DMD: variants seen among roughly 807,000 people sequenced by gnomAD.
DMD encodes mutant dystrophin.
Under a neutral mutation model 330.1 loss-of-function variants are expected in DMD, and 63 were observed. The observed-to-expected ratio is 0.19, with a 90% CI of 0.16 to 0.24. The LOEUF (loss-of-function observed/expected upper bound fraction) is 0.24. DMD is among the 10% of genes least tolerant of loss of function. The pLI is 1.00. For synonymous variants in DMD, 1,223 were observed against 959.8 expected (o/e 1.27, Z -5.07); for missense variants, 3,344 against 2,684.1 (o/e 1.25, Z -5.43).
chrX:32,879,018 C>CAAAAAAAAAAAAAAAAAAAAAAAAAAAA (rs1201402428), intron 2 of DMD, among the ~76,000 whole-genome samples: 1 of 95,332 alleles, frequency 1.0e-5, no homozygotes, highest in African/African-American at 3.9e-5. Context: ...AAAAAAAAAA[C>CAAAAAAAAAAAAAAAAAAAAAAAAAAAA]AAAAAACAAA....
chrX:32,961,235 G>A (rs768735993), intron 2 of DMD, among the ~76,000 whole-genome samples: 3 of 111,298 alleles, frequency 2.7e-5, no homozygotes, highest in Non-Finnish European at 3.8e-5. Flanking sequence ...TTAGTCAAGG[G>A]TCTCTAAGGA....
chrX:33,262,533 T>C (rs994931032), intron 1 of DMD, among the ~76,000 whole-genome samples: 8 of 110,928 alleles, frequency 7.2e-5, no homozygotes, highest in Admixed American at 1.9e-4. Flanking sequence ...TATAAATCTA[T>C]GGTAATTGAG....
intron 78 of DMD, among the ~76,000 whole-genome samples, chrX:31,122,315 GTGAT>G (rs200430753): frequency 1.1e-4 from 12 of 111,447 alleles, no homozygotes; most frequent in African/African-American, 2.9e-4. Context: ...TTGGCTATGA[GTGAT>G]TGATTGATTA....
chrX:32,131,217 A>G (rs1289555099), intron 44 of DMD, among the ~76,000 whole-genome samples: 1 of 111,925 alleles, frequency 8.9e-6, no homozygotes, highest in African/African-American at 3.3e-5. Context: ...TGAAACAAAA[A>G]TTGTTATTTT....
At chrX:32,918,585 A>G (rs1391230309) in intron 2 of DMD, among the ~76,000 whole-genome samples, 9 of 111,953 alleles carry the variant, frequency 8.0e-5, no homozygotes, top group Admixed American at 9.5e-5. Flanking sequence ...TCCTGGGCTC[A>G]AGCGATCTGC....
chrX:32,054,098 A>T lies in DMD; in HGVS notation c.6439-85584T>A, dbSNP rs974472312. ...GTGTGTGTGTGTGTGTGAGAGAGAG[A>T]GAGAGAGAGAGAGAGAGAGAGAGAG... On this transcript the variant is annotated intron_variant, in intron 44 of 78. Transcript: ENST00000357033. Among the ~76,000 whole-genome samples, 686 of 75,564 alleles carry T rather than the reference A, an allele frequency of 9.1e-3. 9 individuals carry two copies. The highest frequency in any genetic ancestry group is 0.037 in the African/African-American group (640 of 17,271). 65.6% of individuals were successfully genotyped at this position (75,564 alleles called of 115,157 possible).
chrX:32,994,666 T>A (rs972379279), intron 2 of DMD, among the ~76,000 whole-genome samples: 2 of 111,690 alleles, frequency 1.8e-5, no homozygotes, highest in African/African-American at 3.3e-5. Flanking sequence ...CATACTAATT[T>A]ACATTCCCAC....
intron 1 of DMD, among the ~76,000 whole-genome samples, chrX:33,133,229 T>C (rs776187531): frequency 2.2e-4 from 25 of 111,393 alleles, no homozygotes; most frequent in Non-Finnish European, 3.8e-4. Flanking sequence ...CACCTATATG[T>C]AGTAGTACAA....
rs961208513 is a variant in DMD at position 32,446,459 on chromosome X, T to A, written c.3786+1997A>T. On this transcript the variant is annotated intron_variant, in intron 27 of 78. Transcript: ENST00000357033. ...AATTTCCTGCTCAACTGCATCATTATCCAATACTCAGGGCAAAATAAAGGC... is the reference window on the plus strand; with the variant it reads ...AATTTCCTGCTCAACTGCATCATTAACCAATACTCAGGGCAAAATAAAGGC... Among the ~76,000 whole-genome samples the A allele has an allele frequency of 2.7e-5, 3 of 109,454 alleles. No individual in the cohort carries two copies. In the East Asian group the frequency reaches 8.6e-4, roughly 31 times the overall value.
At chrX:32,038,098 A>C (rs1351698321) in intron 44 of DMD, among the ~76,000 whole-genome samples, 1 of 112,005 alleles carries the variant, frequency 8.9e-6, no homozygotes, top group African/African-American at 3.2e-5. Flanking sequence ...TGGCCTTAAC[A>C]TAAGAGATAC....
At chrX:32,490,980 G>T (rs185703388) in intron 20 of DMD, among the ~76,000 whole-genome samples, 2 of 112,125 alleles carry the variant, frequency 1.8e-5, no homozygotes, top group African/African-American at 6.5e-5. Flanking sequence ...CAAAGTGAGA[G>T]GCCATTTTTT....
chrX:31,406,246 T>C (rs2061398100), intron 60 of DMD, among the ~76,000 whole-genome samples: 1 of 111,557 alleles, frequency 9.0e-6, no homozygotes, highest in African/African-American at 3.3e-5. Flanking sequence ...TACTTGGGGA[T>C]AATGAAAATA....
intron 62 of DMD, among the ~76,000 whole-genome samples, chrX:31,301,606 C>T (rs2054643519): frequency 8.9e-6 from 1 of 112,193 alleles, no homozygotes; most frequent in South Asian, 3.7e-4. Context: ...GCCCCTCCTC[C>T]AACATGTGGG....
At chrX:32,585,103 A>ACATGTTCT (rs1569251253) in intron 13 of DMD, among the ~76,000 whole-genome samples, 1 of 111,341 alleles carries the variant, frequency 9.0e-6, no homozygotes. Context: ...GACAAATACC[A>ACATGTTCT]CATGTTCTCA....
intron 44 of DMD, among the ~76,000 whole-genome samples, chrX:32,032,194 ACTTCATAAG>A (rs2095890321): frequency 2.7e-5 from 3 of 111,760 alleles, no homozygotes; most frequent in Non-Finnish European, 3.8e-5. Context: ...TTGAAACAAT[ACTTCATAAG>A]TGATATGATT....
intron 29 of DMD, among the ~76,000 whole-genome samples, chrX:32,429,387 GTTTTTTTTTTT>G (rs10692022): frequency 4.5e-5 from 2 of 44,202 alleles, no homozygotes; most frequent in South Asian, 1.7e-3. Flanking sequence ...TTTTTTTTGG[GTTTTTTTTTTT>G]TTTTTTTTTT....
At chrX:32,318,292 G>C (rs138710054) in intron 41 of DMD, among the ~76,000 whole-genome samples, 1 of 111,097 alleles carries the variant, frequency 9.0e-6, no homozygotes, top group East Asian at 2.8e-4. Context: ...AAACAAATTA[G>C]GCAAAAATAT....
chrX:32,960,660 C>G (rs56999370), intron 2 of DMD, among the ~76,000 whole-genome samples: 1,693 of 111,251 alleles, frequency 0.015, 38 homozygotes, highest in African/African-American at 0.052. Flanking sequence ...CACCTCTACA[C>G]AAATCAAAGT....
At chrX:31,832,350 G>C (rs1396859413) in intron 49 of DMD, among the ~76,000 whole-genome samples, 1 of 111,440 alleles carries the variant, frequency 9.0e-6, no homozygotes, top group Non-Finnish European at 1.9e-5. Flanking sequence ...AAAATGTTAA[G>C]ATGTTGATGT....
Sources: gnomAD v4.1 joint callset for allele counts (sites outside exome capture counted in the v4.1 genomes callset) on GRCh38, gnomAD v4.1.1 for gene constraint, MANE v1.5 for transcripts, NCBI Gene and HGNC (gene_info 2026-07-23, HGNC 2026-07-21) for gene names.